YPEL5: variants seen among roughly 807,000 people sequenced by gnomAD.
The protein encoded by YPEL5 is protein yippee-like 5.
A neutral mutation model predicts 10.5 loss-of-function variants in YPEL5; 1 was observed. The ratio of observed to expected loss-of-function variants is 0.10; its 90% confidence interval spans 0.03 to 0.45. The LOEUF (loss-of-function observed/expected upper bound fraction) is 0.45. Ranked by LOEUF, YPEL5 falls within the 20% of genes least tolerant of loss-of-function variation. The pLI, the probability that YPEL5 is intolerant of heterozygous loss-of-function variation, is 0.97. For missense variants in YPEL5, 68 were observed against 159.3 expected (o/e 0.43, Z 3.09); for synonymous variants, 61 against 56.6 (o/e 1.08, Z -0.35).
chr2:30,149,536 AC>A (rs1316467555), intron 1 of YPEL5, among the ~76,000 whole-genome samples: 1 of 152,250 alleles, frequency 6.6e-6, no homozygotes, highest in African/African-American at 2.4e-5. Flanking sequence ...TGATGAAATT[AC>A]AATAGCAGTA....
At chr2:30,150,819 T>C (rs1572750660) in intron 1 of YPEL5, among the ~76,000 whole-genome samples, 1 of 152,212 alleles carries the variant, frequency 6.6e-6, no homozygotes, top group Admixed American at 6.5e-5. Context: ...GTAAAAAATA[T>C]TTTAAACTTT....
chr2:30,153,739 C>T (rs753037362), intron 1 of YPEL5, among the ~76,000 whole-genome samples: 3 of 152,192 alleles, frequency 2.0e-5, no homozygotes, highest in Non-Finnish European at 4.4e-5. Flanking sequence ...CTACATTCTA[C>T]AGTTCTATAT....
chr2:30,157,422 G>A (rs187894345), intron 2 of YPEL5, among the ~76,000 whole-genome samples: 6 of 152,308 alleles, frequency 3.9e-5, no homozygotes, highest in Non-Finnish European at 8.8e-5. Context: ...CATGTCACTG[G>A]TTTATCCATA....
intron 1 of YPEL5, among the ~76,000 whole-genome samples, chr2:30,151,160 A>G (rs1256607732): frequency 6.6e-6 from 1 of 152,220 alleles, no homozygotes; most frequent in Non-Finnish European, 1.5e-5. Context: ...AAATAAACCA[A>G]TAGTCTTTTT....
chr2:30,150,111 C>G (rs937581472), intron 1 of YPEL5, among the ~76,000 whole-genome samples: 1 of 152,198 alleles, frequency 6.6e-6, no homozygotes, highest in Admixed American at 6.5e-5. Context: ...CAGAAGGTTT[C>G]TAACTTTCCT....
intron 1 of YPEL5, among the ~76,000 whole-genome samples, chr2:30,151,405 T>C (rs1486086991): frequency 6.6e-6 from 1 of 152,096 alleles, no homozygotes; most frequent in Non-Finnish European, 1.5e-5. Context: ...AAATTGGAAG[T>C]TGTAGATAGC....
intron 2 of YPEL5, 29 bp downstream of exon 2, chr2:30,156,821 T>C: frequency 6.2e-6 from 10 of 1,613,284 alleles, no homozygotes; most frequent in Non-Finnish European, 8.5e-6. Flanking sequence ...GATTCCTAAG[T>C]GGGCTTATTG....
chr2:30,149,256 G>GA (rs1198620726), intron 1 of YPEL5, among the ~76,000 whole-genome samples: 2 of 151,966 alleles, frequency 1.3e-5, no homozygotes, highest in African/African-American at 4.8e-5. Context: ...AACAAAACAG[G>GA]AAAAAATAAG....
chr2:30,148,610 G>C (rs1572747069), intron 1 of YPEL5: 2 of 152,184 alleles, frequency 1.3e-5, no homozygotes, highest in African/African-American at 4.8e-5. Context: ...AAAAGTCGTG[G>C]ACAAAGTCGA....
At chr2:30,151,470 T>G (rs1675789250) in intron 1 of YPEL5, among the ~76,000 whole-genome samples, 1 of 152,214 alleles carries the variant, frequency 6.6e-6, no homozygotes, top group South Asian at 2.1e-4. Flanking sequence ...TAAAGTACGA[T>G]CTATGAAATT....
Position 30,158,614 on chromosome 2 carries a change from G to A in YPEL5, c.142-5G>A. The stretch of plus-strand genomic sequence containing the variant: ...GCAATTTTGATTTTCCTTGTCCCTT[G>A]TTAGGTAGTTAACCTGCAGTACAGT... On this transcript the variant is annotated splice_polypyrimidine_tract_variant and splice_region_variant and intron_variant, in intron 2 of 2. Transcript: ENST00000261353. 3 of 1,612,810 alleles carry A rather than the reference G, an allele frequency of 1.9e-6. No individual in the cohort carries two copies. Among genetic ancestry groups the A allele is most frequent in the Non-Finnish European group, 2.5e-6 (3 of 1,179,808 alleles).
rs17009174 is a variant in YPEL5, at chr2:30,149,484, A to G, written c.-25+2422A>G. 9.0e-3 allele frequency among the ~76,000 whole-genome samples: 1,373 copies of G among 152,352 alleles called. 27 individuals carry two copies. Among genetic ancestry groups the G allele is most frequent in the African/African-American group, 0.032 (1,319 of 41,574 alleles). On this transcript the variant is annotated intron_variant, in intron 1 of 2. Coordinates refer to ENST00000261353, the MANE Select transcript of YPEL5 (RefSeq NM_016061.3). ...TATGGATCAAACTGTTTTCCCATGT[A>G]GATTTTTTAATAGCGTTTAGTCACA...
At chr2:30,157,709 T>G (rs1292455421) in intron 2 of YPEL5, among the ~76,000 whole-genome samples, 1 of 152,220 alleles carries the variant, frequency 6.6e-6, no homozygotes, top group Non-Finnish European at 1.5e-5. Context: ...ATAGCTAGTC[T>G]AGGGTACTGT....
chr2:30,151,763 C>T (rs1454526051), intron 1 of YPEL5, among the ~76,000 whole-genome samples: 1 of 152,162 alleles, frequency 6.6e-6, no homozygotes, highest in Admixed American at 6.5e-5. Context: ...GTACCAAAGC[C>T]TGTGTGTTGC....
At chr2:30,148,846 C>A (rs1393154755) in intron 1 of YPEL5, among the ~76,000 whole-genome samples, 1 of 152,152 alleles carries the variant, frequency 6.6e-6, no homozygotes, top group Non-Finnish European at 1.5e-5. Flanking sequence ...GAAAAACAGT[C>A]CACGAGACAT....
Position 30,159,041 on chromosome 2 carries a change from G to A in YPEL5, c.*198G>A. Reference sequence around the variant, plus strand: ...ATTTTCCATCCAACAGCAGTGTGTAGAGAGAATATTATGCAGATGCCGTTA... The same window carrying A: ...ATTTTCCATCCAACAGCAGTGTGTAAAGAGAATATTATGCAGATGCCGTTA... On this transcript the variant is annotated 3_prime_UTR_variant, in exon 3 of 3. Transcript: ENST00000261353. 1.7e-6 allele frequency: 1 copy of A among 601,530 alleles called. No homozygotes were observed. The highest frequency in any genetic ancestry group is 2.9e-6 in the Non-Finnish European group (1 of 345,968). The allele number at this position is 601,530 out of a possible 1,614,324, so 37.3% of individuals were successfully genotyped here. A position where few individuals can be genotyped will look rare whatever the true frequency, so the allele number is the denominator to read the frequency against.
At chr2:30,153,831 G>C (rs1360120474) in intron 1 of YPEL5, among the ~76,000 whole-genome samples, 2 of 152,146 alleles carry the variant, frequency 1.3e-5, no homozygotes, top group African/African-American at 4.8e-5. Context: ...TCTTGGTAAT[G>C]AATCATATAA....
intron 1 of YPEL5, among the ~76,000 whole-genome samples, chr2:30,155,475 G>A (rs114827203): frequency 4.2e-3 from 635 of 152,160 alleles, no homozygotes; most frequent in Non-Finnish European, 6.9e-3. Flanking sequence ...TTTTTCCACA[G>A]TGGCAGTTAC....
Position 30,158,915 on chromosome 2 carries a change from C to T in YPEL5, c.*72C>T. 1.4e-6 allele frequency: 2 copies of T among 1,408,050 alleles called. No individual in the cohort carries two copies. Among genetic ancestry groups the T allele is most frequent in the Non-Finnish European group, 2.0e-6 (2 of 1,011,086 alleles). 87.2% of individuals were successfully genotyped at this position (1,408,050 alleles called of 1,614,324 possible). A position where few individuals can be genotyped will look rare whatever the true frequency, so the allele number is the denominator to read the frequency against. ...ACAAAAATCTACTTACATACACTGT[C>T]ACCTTAGCATCAGAGTCGGATTAAT... On this transcript the variant is annotated 3_prime_UTR_variant, in exon 3 of 3. Transcript: ENST00000261353.
Sources: allele counts gnomAD v4.1 joint callset (sites outside exome capture counted in the v4.1 genomes callset), GRCh38; gene constraint gnomAD v4.1.1; transcripts MANE v1.5; gene names NCBI Gene and HGNC (gene_info 2026-07-23, HGNC 2026-07-21).